KCNMA1: variants seen among roughly 807,000 people sequenced by gnomAD.
The protein encoded by KCNMA1 is potassium calcium-activated channel subfamily M alpha 1, also known as Calcium-activated potassium channel subunit alpha-1.
Under a neutral mutation model 140.0 loss-of-function variants are expected in KCNMA1, and 29 were observed. That is an observed-to-expected ratio of 0.21 (90% CI 0.15 to 0.28). The LOEUF (loss-of-function observed/expected upper bound fraction) is 0.28, where lower values mean the gene tolerates loss of function less well. KCNMA1 is among the 10% of genes least tolerant of loss of function. The pLI, the probability that KCNMA1 is intolerant of heterozygous loss-of-function variation, is 1.00. For synonymous variants in KCNMA1, 612 were observed against 611.9 expected (o/e 1.00, Z 0.00); for missense variants, 880 against 1,602.2 (o/e 0.55, Z 7.70).
At position 77,336,804 on chromosome 10, in the gene KCNMA1, G is replaced by T. The variant is rs560386192; in HGVS notation, c.540+67058C>A. Among the ~76,000 whole-genome samples the T allele has an allele frequency of 7.9e-5, 12 of 152,322 alleles. 1 individual carries two copies. The South Asian group carries it at 1.2e-3, about 16-fold the overall frequency. On this transcript the variant is annotated intron_variant, in intron 2 of 27. Coordinates refer to ENST00000286628, the MANE Select transcript of KCNMA1 (RefSeq NM_001161352.2). ...AAGAACTAAGCAGACCAGGCTGATGGACCTCTTAGAATCTGTTTTCCCATC... is the reference window on the plus strand; with the variant it reads ...AAGAACTAAGCAGACCAGGCTGATGTACCTCTTAGAATCTGTTTTCCCATC...
intron 1 of KCNMA1, among the ~76,000 whole-genome samples, chr10:77,509,840 A>G (rs1342523619): frequency 6.6e-6 from 1 of 152,142 alleles, no homozygotes; most frequent in Non-Finnish European, 1.5e-5. Context: ...TTACTCCTCA[A>G]TGCTGCTGGG....
chr10:77,110,393 G>T (rs1476116734), intron 7 of KCNMA1, 50 bp from the exon 8 acceptor site: 5 of 1,500,366 alleles, frequency 3.3e-6, no homozygotes, highest in Non-Finnish European at 1.9e-6. Flanking sequence ...CTATTGAAGT[G>T]TATACATGCA....
intron 19 of KCNMA1, among the ~76,000 whole-genome samples, chr10:76,990,592 C>T (rs1336361760): frequency 6.6e-6 from 1 of 152,218 alleles, no homozygotes; most frequent in Non-Finnish European, 1.5e-5. Context: ...TGAGCCCCTT[C>T]CTCCCTGTCT....
Position 77,478,813 on chromosome 10 carries a change from C to A in KCNMA1, c.379-74790G>T, listed in dbSNP as rs193266742. Among the ~76,000 whole-genome samples the A allele has an allele frequency of 6.3e-3, 963 of 151,762 alleles. 49 individuals are homozygous for A. Among genetic ancestry groups the A allele is most frequent in the Admixed American group, 0.059 (900 of 15,252 alleles). On this transcript the variant is annotated intron_variant, in intron 1 of 27. Transcript: ENST00000286628. Reference sequence around the variant, plus strand: ...TTCAGTACAATGCTATTTATAATAGCAAAAAAGAGGAAAAAGTAAAGAGCA... The same window carrying A: ...TTCAGTACAATGCTATTTATAATAGAAAAAAAGAGGAAAAAGTAAAGAGCA...
At chr10:77,557,200 A>G (rs1039435451) in intron 1 of KCNMA1, among the ~76,000 whole-genome samples, 1 of 152,234 alleles carries the variant, frequency 6.6e-6, no homozygotes, top group Non-Finnish European at 1.5e-5. Flanking sequence ...GAAAGCTGTC[A>G]ATCACTGTCA....
chr10:77,074,772 A>G (rs2096334304), intron 13 of KCNMA1, among the ~76,000 whole-genome samples: 1 of 152,230 alleles, frequency 6.6e-6, no homozygotes, highest in African/African-American at 2.4e-5. Context: ...TTACTATGGA[A>G]AGAACTTTTG....
At chr10:77,500,496 A>T (rs2043479260) in intron 1 of KCNMA1, among the ~76,000 whole-genome samples, 1 of 152,162 alleles carries the variant, frequency 6.6e-6, no homozygotes, top group South Asian at 2.1e-4. Context: ...AAACTGTAAA[A>T]AGCAAGCTAA....
intron 1 of KCNMA1, among the ~76,000 whole-genome samples, chr10:77,468,951 G>A (rs289265): frequency 0.14 from 21,569 of 152,098 alleles, 1,648 homozygotes; most frequent in Admixed American, 0.18. Context: ...TGTGAGAAAA[G>A]AGGCTTATAA....
intron 2 of KCNMA1, among the ~76,000 whole-genome samples, chr10:77,259,406 C>G (rs1464976348): frequency 6.6e-6 from 1 of 151,836 alleles, no homozygotes; most frequent in Non-Finnish European, 1.5e-5. Flanking sequence ...ACTCTGTGTG[C>G]AATGGACTGA....
chr10:77,402,771 T>G (rs895491170), intron 2 of KCNMA1, among the ~76,000 whole-genome samples: 1 of 152,218 alleles, frequency 6.6e-6, no homozygotes, highest in Non-Finnish European at 1.5e-5. Flanking sequence ...TGTCCCTGCC[T>G]GGTCTTTGAG....
chr10:77,000,273 A>T (rs2085789141), intron 19 of KCNMA1, among the ~76,000 whole-genome samples: 1 of 152,212 alleles, frequency 6.6e-6, no homozygotes, highest in African/African-American at 2.4e-5. Flanking sequence ...CTTCTATGCT[A>T]CCAAAACATG....
intron 2 of KCNMA1, among the ~76,000 whole-genome samples, chr10:77,334,268 G>C (rs1163419721): frequency 1.3e-5 from 2 of 152,024 alleles, no homozygotes; most frequent in African/African-American, 4.8e-5. Context: ...GCATTTTGTG[G>C]GGGAGTTCAT....
At chr10:77,215,673 C>G (rs2047510817) in intron 3 of KCNMA1, among the ~76,000 whole-genome samples, 1 of 152,140 alleles carries the variant, frequency 6.6e-6, no homozygotes, top group Non-Finnish European at 1.5e-5. Context: ...GATACCATAT[C>G]TTGATGTGCT....
chr10:77,318,453 T>C (rs909873802), intron 2 of KCNMA1, among the ~76,000 whole-genome samples: 23 of 152,260 alleles, frequency 1.5e-4, no homozygotes, highest in Admixed American at 5.2e-4. Flanking sequence ...CCATGGACTC[T>C]ACTGTGGAGG....
intron 2 of KCNMA1, among the ~76,000 whole-genome samples, chr10:77,393,449 T>C (rs1227842883): frequency 6.6e-6 from 1 of 152,226 alleles, no homozygotes; most frequent in Non-Finnish European, 1.5e-5. Flanking sequence ...CTGTTCTAAA[T>C]ATTTTACATG....
intron 23 of KCNMA1, among the ~76,000 whole-genome samples, chr10:76,924,174 T>G (rs1050821830): frequency 6.6e-6 from 1 of 152,216 alleles, no homozygotes; most frequent in African/African-American, 2.4e-5. Context: ...AGGTATTAAG[T>G]AACAACATTC....
chr10:77,131,335 G>A (rs2097853346), intron 5 of KCNMA1, among the ~76,000 whole-genome samples: 1 of 152,166 alleles, frequency 6.6e-6, no homozygotes, highest in South Asian at 2.1e-4. Flanking sequence ...GCCAAGCACG[G>A]TGGCTCATGC....
intron 5 of KCNMA1, among the ~76,000 whole-genome samples, chr10:77,131,850 A>C (rs2153987805): frequency 6.6e-6 from 1 of 151,846 alleles, no homozygotes; most frequent in African/African-American, 2.4e-5. Flanking sequence ...CTGTAATCCC[A>C]GCTACTTGGG....
In KCNMA1 at chr10:77,493,284, C is replaced by T. The variant is rs559966900; in HGVS notation, c.379-89261G>A. Among the ~76,000 whole-genome samples the T allele has an allele frequency of 6.6e-5, 10 of 152,368 alleles. 1 individual carries two copies. The highest frequency in any genetic ancestry group is 2.1e-4 in the South Asian group (1 of 4,832). On this transcript the variant is annotated intron_variant, in intron 1 of 27. Coordinates refer to ENST00000286628, the MANE Select transcript of KCNMA1 (RefSeq NM_001161352.2). ...CCACCCCAGGACAGGCATGGTGCTT[C>T]GAAAGCAGAAGTAAGGCAGCAGAAC...
Sources: allele counts gnomAD v4.1 joint callset (sites outside exome capture counted in the v4.1 genomes callset), GRCh38; gene constraint gnomAD v4.1.1; transcripts MANE v1.5; gene names NCBI Gene and HGNC (gene_info 2026-07-23, HGNC 2026-07-21).